Variants in TPPP3 observed in about 807,000 individuals in gnomAD.
The protein encoded by TPPP3 is tubulin polymerization-promoting protein family member 3.
Under a neutral mutation model 13.1 loss-of-function variants are expected in TPPP3, and 7 were observed. The observed-to-expected ratio is 0.54, with a 90% CI of 0.30 to 1.01. The LOEUF (loss-of-function observed/expected upper bound fraction) is 1.01. TPPP3 is among the 50% of genes least tolerant of loss of function. TPPP3 has a pLI of 0.06. For missense variants in TPPP3, 185 were observed against 235.0 expected, an observed-to-expected ratio of 0.79 and a Z score of 1.39; for synonymous variants, 87 against 93.7, an observed-to-expected ratio of 0.93 and a Z score of 0.41.
Position 67,390,443 on chromosome 16 carries a change from C to CA in TPPP3, c.342+35dup. On this transcript the variant is annotated intron_variant, in intron 3 of 3. Coordinates refer to ENST00000393957, the MANE Select transcript of TPPP3 (RefSeq NM_015964.4). This position sits in a 1 kb window ranked among gnomAD's most constrained non-coding sequence, Gnocchi z 6.4. The stretch of plus-strand genomic sequence containing the variant: ...CCCACAGCCACGATTCCCCACACCC[C>CA]ATTCCGTGGCCACCCGAGACCAGCA... The CA allele has an allele frequency of 1.2e-6, 2 of 1,610,964 alleles. No individual in the cohort carries two copies. The highest frequency in any genetic ancestry group is 1.7e-6 in the Non-Finnish European group (2 of 1,178,040).
At position 67,392,763 on chromosome 16, in the gene TPPP3, C is replaced by T. The variant is rs1465875728; in HGVS notation, c.-7+617G>A. On this transcript the variant is annotated intron_variant, in intron 1 of 3. Transcript: ENST00000393957. The surrounding 1 kb of genome is among the most constrained non-coding windows in gnomAD (Gnocchi z 4.9). ...CAGTGACCACGGCCTGGGCTCTGCC[C>T]GGCTGCCCCATCTTCCACCAAAAAC... Among the ~76,000 whole-genome samples the T allele has an allele frequency of 2.0e-5, 3 of 152,144 alleles. No homozygotes were observed. Among genetic ancestry groups the T allele is most frequent in the East Asian group, 3.8e-4 (2 of 5,196 alleles).
Position 67,393,460 on chromosome 16 carries a change from C to T in TPPP3, c.-87G>A. 2 of 985,632 alleles carry T rather than the reference C, an allele frequency of 2.0e-6. No homozygotes were observed. The highest frequency in any genetic ancestry group is 2.4e-6 in the Non-Finnish European group (2 of 830,080). 61.1% of individuals were successfully genotyped at this position (985,632 alleles called of 1,614,324 possible). A position where few individuals can be genotyped will look rare whatever the true frequency, so the allele number is the denominator to read the frequency against. ...CCGATGGACGCGGGAGACCAGGCGG[C>T]TCCGCAGCTCCGCTCCCTGCCGGCT... On this transcript the variant is annotated 5_prime_UTR_variant, in exon 1 of 4. Transcript: ENST00000393957. This position sits in a 1 kb window ranked among gnomAD's most constrained non-coding sequence, Gnocchi z 5.4.
chr16:67,391,122 A>G lies in TPPP3; in HGVS notation c.-6-5T>C, dbSNP rs567308214. ...TGTGCTCGCTGCCATGCCACCCTATAGAGACCCACCTGGGTCATCTCCCAG... is the reference window on the plus strand; with the variant it reads ...TGTGCTCGCTGCCATGCCACCCTATGGAGACCCACCTGGGTCATCTCCCAG... On this transcript the variant is annotated splice_region_variant and splice_polypyrimidine_tract_variant and intron_variant, in intron 1 of 3. Coordinates refer to ENST00000393957, the MANE Select transcript of TPPP3 (RefSeq NM_015964.4). This position sits in a 1 kb window ranked among gnomAD's most constrained non-coding sequence, Gnocchi z 6.3. 1.2e-6 allele frequency: 2 copies of G among 1,613,496 alleles called. No individual in the cohort carries two copies. The highest frequency in any genetic ancestry group is 1.7e-6 in the Non-Finnish European group (2 of 1,179,730).
chr16:67,390,253 C>T lies in TPPP3; in HGVS notation c.452G>A (p.Arg151Gln), dbSNP rs761427198. 16 of 1,614,116 alleles carry T rather than the reference C, an allele frequency of 9.9e-6. No homozygotes were observed. The highest frequency in any genetic ancestry group is 2.7e-5 in the African/African-American group (2 of 74,936). ...ESGKGKGIAG[R>Q]QDILDDSGYV... ...GCCACTGTCGTCCAGGATGTCCTGC[C>T]GTCCCGCAATGCCCTTGCCCTTGCC... Residue 151 changes from arginine to glutamine, a missense_variant, in exon 4 of 4, where the codon CGG becomes CAG. Physicochemically the swap from Arg to Gln is conservative, Grantham distance 43. Transcript: ENST00000393957. This position sits in a 1 kb window ranked among gnomAD's most constrained non-coding sequence, Gnocchi z 6.4.
rs1417712906 is a variant in TPPP3, at chr16:67,392,130, C to T, written c.-6-1013G>A. On this transcript the variant is annotated intron_variant, in intron 1 of 3. Transcript: ENST00000393957. This position sits in a 1 kb window ranked among gnomAD's most constrained non-coding sequence, Gnocchi z 4.9. ...TGGCCACACCAGCCCACATTCCCAG[C>T]GACCCTGTGCACTCAGCCCTGGCCT... Among the ~76,000 whole-genome samples the T allele has an allele frequency of 2.6e-5, 4 of 151,866 alleles. No homozygotes were observed. The highest frequency in any genetic ancestry group is 6.6e-5 in the Admixed American group (1 of 15,246).
In TPPP3 at chr16:67,392,373, TCTCC is replaced by T. The variant is rs1238179227; in HGVS notation, c.-7+1003_-7+1006del. On this transcript the variant is annotated intron_variant, in intron 1 of 3. Coordinates refer to ENST00000393957, the MANE Select transcript of TPPP3 (RefSeq NM_015964.4). This position sits in a 1 kb window ranked among gnomAD's most constrained non-coding sequence, Gnocchi z 4.9. Reference sequence around the variant, plus strand: ...ACACCCTGAGCCTACACAGCAGCCTTCTCCATCCCCACACCCGCAGCCCTGGGGC... The same window carrying T: ...ACACCCTGAGCCTACACAGCAGCCTTATCCCCACACCCGCAGCCCTGGGGC... Among the ~76,000 whole-genome samples, 1 of 150,656 alleles carries T rather than the reference TCTCC, an allele frequency of 6.6e-6. No individual in the cohort carries two copies. Among genetic ancestry groups the T allele is most frequent in the Non-Finnish European group, 1.5e-5 (1 of 67,628 alleles).
rs371587035 is a variant in TPPP3, at chr16:67,392,235, G to A, written c.-6-1118C>T. Among the ~76,000 whole-genome samples, 13 of 151,350 alleles carry A rather than the reference G, an allele frequency of 8.6e-5. No homozygotes were observed. Among genetic ancestry groups the A allele is most frequent in the Admixed American group, 6.6e-4 (10 of 15,202 alleles). On this transcript the variant is annotated intron_variant, in intron 1 of 3. Transcript: ENST00000393957. The surrounding 1 kb of genome is among the most constrained non-coding windows in gnomAD (Gnocchi z 4.9). ...CTTCACACCCACAGCCACAGCCCTC[G>A]GCCACCAGCCCCCACATATATACTA...
chr16:67,390,026 G>T lies in TPPP3; in HGVS notation c.*148C>A. The T allele has an allele frequency of 1.2e-6, 1 of 813,114 alleles. No homozygotes were observed. Among genetic ancestry groups the T allele is most frequent in the Non-Finnish European group, 1.9e-6 (1 of 528,998 alleles). 50.4% of individuals were successfully genotyped at this position (813,114 alleles called of 1,614,324 possible). ...GAGCAGCCTGGGTCAGAGGCCTGGT[G>T]GGCCAGCCCAGTGGGACTAGGCAGG... On this transcript the variant is annotated 3_prime_UTR_variant, in exon 4 of 4. Coordinates refer to ENST00000393957, the MANE Select transcript of TPPP3 (RefSeq NM_015964.4). This position sits in a 1 kb window ranked among gnomAD's most constrained non-coding sequence, Gnocchi z 6.4.
chr16:67,392,654 A>G lies in TPPP3; in HGVS notation c.-7+726T>C, dbSNP rs2040343030. On this transcript the variant is annotated intron_variant, in intron 1 of 3. Coordinates refer to ENST00000393957, the MANE Select transcript of TPPP3 (RefSeq NM_015964.4). The surrounding 1 kb of genome is among the most constrained non-coding windows in gnomAD (Gnocchi z 4.9). ...CCCTGCGTAGAGACCTCCCCACCAC[A>G]TCCCCCTCCTCCACTGCCACCTCCT... 6.6e-6 allele frequency among the ~76,000 whole-genome samples: 1 copy of G among 151,408 alleles called. No homozygotes were observed.
Position 67,391,070 on chromosome 16 carries a change from G to A in TPPP3, c.42C>T (p.Phe14=). Residue 14 remains phenylalanine, a synonymous_variant, in exon 2 of 4, where the codon TTC becomes TTT. Transcript: ENST00000393957. This position sits in a 1 kb window ranked among gnomAD's most constrained non-coding sequence, Gnocchi z 6.3. ...GGTCACCATGGATGGCAAACTTGCG[G>A]AAGCTCTCCTCCAGCCCAGCCATGT... ...STDMAGLEES[F]RKFAIHGDPK... 1 of 1,614,186 alleles carries A rather than the reference G, an allele frequency of 6.2e-7. No individual in the cohort carries two copies. Among genetic ancestry groups the A allele is most frequent in the African/African-American group, 1.3e-5 (1 of 75,058 alleles).
rs769189635 is a variant in TPPP3 at position 67,390,952 on chromosome 16, C to G, written c.160G>C (p.Asp54His). The G allele has an allele frequency of 1.2e-6, 2 of 1,614,068 alleles. No homozygotes were observed. Among genetic ancestry groups the G allele is most frequent in the East Asian group, 2.2e-5 (1 of 44,888 alleles). The change falls in exon 2 of 4, where the codon GAT becomes CAT. Residue 54 changes from aspartate to histidine, a missense_variant. Transcript: ENST00000393957. This position sits in a 1 kb window ranked among gnomAD's most constrained non-coding sequence, Gnocchi z 6.4. Reference protein sequence around the residue: ...VADGKSVTGTDVDIVFSKVKG... With the variant: ...VADGKSVTGTHVDIVFSKVKG... ...ACTTTGGAGAAGACGATGTCCACAT[C>G]GGTCCCTGTCACGGACTTTCCGTCA... is the stretch of plus-strand genomic sequence containing the variant.
rs2040323965 is a variant in TPPP3 at position 67,391,120 on chromosome 16, A to T, written c.-6-3T>A. 6.2e-7 allele frequency: 1 copy of T among 1,613,500 alleles called. No homozygotes were observed. Among genetic ancestry groups the T allele is most frequent in the Non-Finnish European group, 8.5e-7 (1 of 1,179,762 alleles). On this transcript the variant is annotated splice_region_variant and splice_polypyrimidine_tract_variant and intron_variant, in intron 1 of 3. Coordinates refer to ENST00000393957, the MANE Select transcript of TPPP3 (RefSeq NM_015964.4). This position sits in a 1 kb window ranked among gnomAD's most constrained non-coding sequence, Gnocchi z 6.3. ...TCTGTGCTCGCTGCCATGCCACCCT[A>T]TAGAGACCCACCTGGGTCATCTCCC...
rs1597523384 is a variant in TPPP3, at chr16:67,391,165, T to C, written c.-6-48A>G. Reference sequence around the variant, plus strand: ...TCTCCCAGCCAATCTGCCCTTCCCCTCCCCCAAGCCCAGAACATCCCAGCC... The same window carrying C: ...TCTCCCAGCCAATCTGCCCTTCCCCCCCCCCAAGCCCAGAACATCCCAGCC... On this transcript the variant is annotated intron_variant, in intron 1 of 3. Transcript: ENST00000393957. This position sits in a 1 kb window ranked among gnomAD's most constrained non-coding sequence, Gnocchi z 6.3. The C allele has an allele frequency of 1.3e-6, 2 of 1,572,240 alleles. No homozygotes were observed. Among genetic ancestry groups the C allele is most frequent in the Non-Finnish European group, 1.7e-6 (2 of 1,151,456 alleles).
rs1475056271 is a variant in TPPP3, at chr16:67,392,486, C to A, written c.-7+894G>T. Among the ~76,000 whole-genome samples, 1 of 151,976 alleles carries A rather than the reference C, an allele frequency of 6.6e-6. No individual in the cohort carries two copies. Among genetic ancestry groups the A allele is most frequent in the African/African-American group, 2.4e-5 (1 of 41,342 alleles). ...CACTCACCCCCTCCAATACCCGCAG[C>A]CCTTTATCAAGGCGCCCTGACCCTC... On this transcript the variant is annotated intron_variant, in intron 1 of 3. Coordinates refer to ENST00000393957, the MANE Select transcript of TPPP3 (RefSeq NM_015964.4). This position sits in a 1 kb window ranked among gnomAD's most constrained non-coding sequence, Gnocchi z 4.9.
Position 67,390,568 on chromosome 16 carries a change from T to C in TPPP3, c.253A>G (p.Lys85Glu). The change falls in exon 3 of 4, where the codon AAG becomes GAG. Residue 85 changes from lysine (K) to glutamate (E), a missense_variant. Lys to Glu is a moderately conservative substitution (Grantham distance 56). Coordinates refer to ENST00000393957, the MANE Select transcript of TPPP3 (RefSeq NM_015964.4). The surrounding 1 kb of genome is among the most constrained non-coding windows in gnomAD (Gnocchi z 6.4). ...TCCTTGCTCTTCCCCTTGAATCTCT[T>C]GGTCGCCAGCTCTTCCAGGGCCTTC... Reference protein sequence around the residue: ...FKKALEELATKRFKGKSKEEA... With the variant: ...FKKALEELATERFKGKSKEEA... The C allele has an allele frequency of 1.2e-6, 2 of 1,614,050 alleles. No individual in the cohort carries two copies. Among genetic ancestry groups the C allele is most frequent in the Non-Finnish European group, 1.7e-6 (2 of 1,180,024 alleles).
In TPPP3 at chr16:67,390,884, C is replaced by T; in HGVS notation, c.188+40G>A. 1 of 1,594,430 alleles carries T rather than the reference C, an allele frequency of 6.3e-7. No individual in the cohort carries two copies. Among genetic ancestry groups the T allele is most frequent in the Non-Finnish European group, 8.6e-7 (1 of 1,166,450 alleles). ...TGGTTCCAGCCCCCCAGTTCCCCAC[C>T]TCCTGGGAACATGAGAAGCAGGGGC... On this transcript the variant is annotated intron_variant, in intron 2 of 3. Coordinates refer to ENST00000393957, the MANE Select transcript of TPPP3 (RefSeq NM_015964.4). This position sits in a 1 kb window ranked among gnomAD's most constrained non-coding sequence, Gnocchi z 6.4.
At position 67,392,340 on chromosome 16, in the gene TPPP3, C is replaced by T. The variant is rs921844240; in HGVS notation, c.-7+1040G>A. Among the ~76,000 whole-genome samples the T allele has an allele frequency of 6.6e-6, 1 of 151,794 alleles. No individual in the cohort carries two copies. Among genetic ancestry groups the T allele is most frequent in the African/African-American group, 2.4e-5 (1 of 41,280 alleles). On this transcript the variant is annotated intron_variant, in intron 1 of 3. Transcript: ENST00000393957. The surrounding 1 kb of genome is among the most constrained non-coding windows in gnomAD (Gnocchi z 4.9). Reference sequence around the variant, plus strand: ...ACACCCACAGCCCTCCGCTGCAGACCCCTGGCCACACCCTGAGCCTACACA... The same window carrying T: ...ACACCCACAGCCCTCCGCTGCAGACTCCTGGCCACACCCTGAGCCTACACA...
chr16:67,393,262 T>C lies in TPPP3; in HGVS notation c.-7+118A>G. 7 of 923,520 alleles carry C rather than the reference T, an allele frequency of 7.6e-6. No homozygotes were observed. Among genetic ancestry groups the C allele is most frequent in the Non-Finnish European group, 9.0e-6 (7 of 773,526 alleles). The allele number at this position is 923,520 out of a possible 1,614,324, so 57.2% of individuals were successfully genotyped here. A position where few individuals can be genotyped will look rare whatever the true frequency, so the allele number is the denominator to read the frequency against. ...TGGGGCCAGGGCAGGGCCGCTCAGC[T>C]GGCTCCTCGGCTGGGACCGCCGGAG... On this transcript the variant is annotated intron_variant, in intron 1 of 3. Coordinates refer to ENST00000393957, the MANE Select transcript of TPPP3 (RefSeq NM_015964.4). The surrounding 1 kb of genome is among the most constrained non-coding windows in gnomAD (Gnocchi z 5.4).
chr16:67,391,352 G>A lies in TPPP3; in HGVS notation c.-6-235C>T, dbSNP rs2142210539. The A allele has an allele frequency of 3.6e-6, 2 of 558,784 alleles. No individual in the cohort carries two copies. Among genetic ancestry groups the A allele is most frequent in the South Asian group, 2.2e-5 (1 of 45,132 alleles). 34.6% of individuals were successfully genotyped at this position (558,784 alleles called of 1,614,324 possible). On this transcript the variant is annotated intron_variant, in intron 1 of 3. Transcript: ENST00000393957. This position sits in a 1 kb window ranked among gnomAD's most constrained non-coding sequence, Gnocchi z 6.3. ...CTAATGCCAGCCCTGGCTCTCAGCA[G>A]GGTTCAGCAGATGAAATAATGATGC...
Sources: gnomAD v4.1 joint callset for allele counts (sites outside exome capture counted in the v4.1 genomes callset) on GRCh38, gnomAD v4.1.1 for gene constraint, Gnocchi (gnomAD v3.1) non-coding constraint, MANE v1.5 for transcripts, NCBI Gene and HGNC (gene_info 2026-07-23, HGNC 2026-07-21) for gene names.